TSPAN5: variants seen among roughly 807,000 people sequenced by gnomAD.
TSPAN5 encodes tetraspanin 5.
TSPAN5 carries 10 observed loss-of-function variants against 37.1 expected under a neutral mutation model. That is an observed-to-expected ratio of 0.27 (90% CI 0.17 to 0.46). The LOEUF is 0.46. Among genes scored for constraint, TSPAN5 ranks in the 20% least tolerant of loss-of-function variants. TSPAN5 has a pLI of 1.00. For missense variants in TSPAN5, 195 were observed against 326.6 expected, an observed-to-expected ratio of 0.60 and a Z score of 3.11; for synonymous variants, 110 against 118.9, an observed-to-expected ratio of 0.93 and a Z score of 0.48.
At chr4:98,606,842 T>C (rs1756048969) in intron 1 of TSPAN5, among the ~76,000 whole-genome samples, 1 of 152,194 alleles carries the variant, frequency 6.6e-6, no homozygotes, top group Admixed American at 6.5e-5. Flanking sequence ...ACTCCAACTT[T>C]AAAAATATGT....
chr4:98,562,646 C>T (rs965908923), intron 1 of TSPAN5, among the ~76,000 whole-genome samples: 9 of 151,600 alleles, frequency 5.9e-5, no homozygotes, highest in Admixed American at 4.6e-4. Flanking sequence ...GGCAACACAG[C>T]GAGACTCTGT....
chr4:98,626,180 T>C (rs566480711), intron 1 of TSPAN5, among the ~76,000 whole-genome samples: 170 of 152,284 alleles, frequency 1.1e-3, no homozygotes, highest in Non-Finnish European at 2.2e-3. Flanking sequence ...CCCAGGTACA[T>C]GCTGGTTTCC....
At chr4:98,473,540 A>ATTGC (rs1386185935) in intron 7 of TSPAN5, among the ~76,000 whole-genome samples, 2 of 151,346 alleles carry the variant, frequency 1.3e-5, no homozygotes, top group Non-Finnish European at 2.9e-5. Flanking sequence ...GCTCACTGCA[A>ATTGC]GCTCCGCTTC....
At chr4:98,642,913 TA>T (rs1337575933) in intron 1 of TSPAN5, among the ~76,000 whole-genome samples, 1 of 152,142 alleles carries the variant, frequency 6.6e-6, no homozygotes, top group Non-Finnish European at 1.5e-5. Flanking sequence ...GTAAAAAAGC[TA>T]AAAAAAGGTT....
chr4:98,528,629 G>A (rs899874598), intron 1 of TSPAN5, among the ~76,000 whole-genome samples: 9 of 152,054 alleles, frequency 5.9e-5, no homozygotes, highest in Non-Finnish European at 1.3e-4. Context: ...CTTAACCCAG[G>A]TGTCACAATA....
At chr4:98,628,297 A>G (rs1358833637) in intron 1 of TSPAN5, among the ~76,000 whole-genome samples, 4 of 152,164 alleles carry the variant, frequency 2.6e-5, no homozygotes, top group Non-Finnish European at 5.9e-5. Context: ...ATTAACTTAC[A>G]TGCAACTTTT....
rs1433380657 is a variant in TSPAN5 at position 98,486,722 on chromosome 4, A to G, written c.279+16T>C. The G allele has an allele frequency of 6.2e-7, 1 of 1,613,984 alleles. No homozygotes were observed. Among genetic ancestry groups the G allele is most frequent in the South Asian group, 1.1e-5 (1 of 91,060 alleles). On this transcript the variant is annotated intron_variant, in intron 3 of 7. Transcript: ENST00000305798. ...GTTTTGGCTCTCAATCTGAGAGTAG[A>G]GAGTGGAATACTTACAAACTTGAGA...
intron 1 of TSPAN5, among the ~76,000 whole-genome samples, chr4:98,616,385 T>C (rs1252913982): frequency 6.6e-6 from 1 of 152,120 alleles, no homozygotes; most frequent in Non-Finnish European, 1.5e-5. Context: ...TTGTGCTACC[T>C]TGAAATAATG....
chr4:98,553,428 A>G (rs1408189762), intron 1 of TSPAN5, among the ~76,000 whole-genome samples: 1 of 152,186 alleles, frequency 6.6e-6, no homozygotes, highest in Admixed American at 6.5e-5. Context: ...AATCATATGC[A>G]TTTCCTAAAT....
At chr4:98,601,227 A>G (rs1025559896) in intron 1 of TSPAN5, among the ~76,000 whole-genome samples, 1 of 152,220 alleles carries the variant, frequency 6.6e-6, no homozygotes, top group Non-Finnish European at 1.5e-5. Context: ...GCTTCAACTT[A>G]AAGACACCAG....
chr4:98,622,582 T>A (rs1390930006), intron 1 of TSPAN5, among the ~76,000 whole-genome samples: 2 of 152,160 alleles, frequency 1.3e-5, no homozygotes, highest in African/African-American at 4.8e-5. Flanking sequence ...TATTGAGTTG[T>A]GCTTAGAAAA....
intron 1 of TSPAN5, among the ~76,000 whole-genome samples, chr4:98,640,123 T>C (rs1756932881): frequency 6.6e-6 from 1 of 151,926 alleles, no homozygotes; most frequent in South Asian, 2.1e-4. Context: ...TAAAAATCGT[T>C]TGCAACAAAA....
chr4:98,496,563 G>A (rs1213692186), intron 2 of TSPAN5: 7 of 152,214 alleles, frequency 4.6e-5, no homozygotes, highest in Non-Finnish European at 1.0e-4. Flanking sequence ...AGGAGAAGAG[G>A]AGAAGGAGGG....
chr4:98,588,399 A>C (rs951286167), intron 1 of TSPAN5, among the ~76,000 whole-genome samples: 4 of 152,208 alleles, frequency 2.6e-5, no homozygotes, highest in Non-Finnish European at 5.9e-5. Context: ...GTTCAAAAAA[A>C]AAAAAAGTTA....
chr4:98,571,659 G>T (rs1401113619), intron 1 of TSPAN5, among the ~76,000 whole-genome samples: 1 of 152,144 alleles, frequency 6.6e-6, no homozygotes. Flanking sequence ...CCATACGGTG[G>T]AAGGTTAGCC....
intron 1 of TSPAN5, 39 bp downstream of exon 1, chr4:98,658,107 G>A (rs375681674): frequency 1.3e-6 from 2 of 1,551,874 alleles, no homozygotes; most frequent in South Asian, 1.1e-5. Flanking sequence ...CGAATCGATC[G>A]GCCACAATAG....
At chr4:98,610,306 A>C (rs1158110070) in intron 1 of TSPAN5, among the ~76,000 whole-genome samples, 2 of 152,190 alleles carry the variant, frequency 1.3e-5, no homozygotes, top group Non-Finnish European at 2.9e-5. Context: ...GGGAGCCCTG[A>C]TGACCTAAAC....
chr4:98,613,891 T>C (rs1405354127), intron 1 of TSPAN5, among the ~76,000 whole-genome samples: 1 of 152,150 alleles, frequency 6.6e-6, no homozygotes, highest in Non-Finnish European at 1.5e-5. Flanking sequence ...ACGCTGCATT[T>C]TGACATTGCT....
At chr4:98,538,617 C>A (rs1220577822) in intron 1 of TSPAN5, among the ~76,000 whole-genome samples, 1 of 152,234 alleles carries the variant, frequency 6.6e-6, no homozygotes, top group Admixed American at 6.5e-5. Flanking sequence ...TTGCTTGGTA[C>A]ATACACACTA....
Sources: allele counts gnomAD v4.1 joint callset (sites outside exome capture counted in the v4.1 genomes callset), GRCh38; gene constraint gnomAD v4.1.1; transcripts MANE v1.5; gene names NCBI Gene and HGNC (gene_info 2026-07-23, HGNC 2026-07-21).